The following ATP8A1 variants were observed in gnomAD, a reference collection of about 807,000 sequenced individuals.
ATP8A1 encodes phospholipid-transporting ATPase IA.
A neutral mutation model predicts 177.7 loss-of-function variants in ATP8A1; 90 were observed. The observed-to-expected ratio is 0.51, with a 90% CI of 0.43 to 0.60. The LOEUF (loss-of-function observed/expected upper bound fraction) is 0.60. Among genes scored for constraint, ATP8A1 ranks in the 20% least tolerant of loss-of-function variants. The probability of loss-of-function intolerance (pLI) is 0.00; values close to 1 mark genes in which losing one functional copy is unlikely to be tolerated. For synonymous variants in ATP8A1, 493 were observed against 485.9 expected, an observed-to-expected ratio of 1.01 and a Z score of -0.19; for missense variants, 1,072 against 1,392.8, an observed-to-expected ratio of 0.77 and a Z score of 3.67.
intron 22 of ATP8A1, among the ~76,000 whole-genome samples, chr4:42,509,893 T>C (rs2153195107): frequency 6.6e-6 from 1 of 151,970 alleles, no homozygotes; most frequent in Admixed American, 6.6e-5. Context: ...TCTTTTAAGC[T>C]TTCCTTTATT....
intron 24 of ATP8A1, 64 bp downstream of exon 24, chr4:42,503,386 A>C: frequency 1.1e-6 from 1 of 951,954 alleles, no homozygotes; most frequent in Non-Finnish European, 1.6e-6. Flanking sequence ...AGCTATCTGA[A>C]TATAAAATAC....
At chr4:42,615,520 T>A (rs536970971) in intron 5 of ATP8A1, among the ~76,000 whole-genome samples, 28 of 152,180 alleles carry the variant, frequency 1.8e-4, no homozygotes, top group African/African-American at 5.8e-4. Context: ...TTTGGCTGTA[T>A]CAAAATGAGC....
rs577073122 is a variant in ATP8A1, at chr4:42,576,363, C to T, written c.1129-664G>A. Among the ~76,000 whole-genome samples, 25 of 150,446 alleles carry T rather than the reference C, an allele frequency of 1.7e-4. No individual in the cohort carries two copies. The South Asian group carries it at 5.3e-3, about 32-fold the overall frequency. On this transcript the variant is annotated intron_variant, in intron 12 of 36. Coordinates refer to ENST00000381668, the MANE Select transcript of ATP8A1 (RefSeq NM_006095.2). The stretch of plus-strand genomic sequence containing the variant: ...TGGTGGCAGGCACCTGCAGTCCCAG[C>T]TACGGTGGAGGCTGAGGCAGGAGAA...
chr4:42,517,105 T>G (rs561118300), intron 22 of ATP8A1, among the ~76,000 whole-genome samples: 2 of 148,828 alleles, frequency 1.3e-5, no homozygotes, highest in Admixed American at 1.3e-4. Flanking sequence ...ATCGAGACCA[T>G]CCTGGCCAAC....
At chr4:42,500,365 AAAAAC>A (rs142164207) in intron 24 of ATP8A1, among the ~76,000 whole-genome samples, 46,499 of 149,210 alleles carry the variant, frequency 0.31, 7,620 homozygotes, top group East Asian at 0.58. Context: ...ACTCGGTCTC[AAAAAC>A]AAAACAAAAC....
intron 1 of ATP8A1, among the ~76,000 whole-genome samples, chr4:42,643,266 G>A (rs1740189998): frequency 6.6e-6 from 1 of 152,148 alleles, no homozygotes; most frequent in Admixed American, 6.5e-5. Flanking sequence ...AAGAAGATGA[G>A]GGAAACAGAA....
chr4:42,533,063 G>T (rs998479110), intron 20 of ATP8A1, among the ~76,000 whole-genome samples: 2 of 152,202 alleles, frequency 1.3e-5, no homozygotes, highest in African/African-American at 4.8e-5. Context: ...AGCCTGTTTG[G>T]TGAACTCTCT....
intron 15 of ATP8A1, among the ~76,000 whole-genome samples, chr4:42,563,329 A>T (rs1731033208): frequency 6.6e-6 from 1 of 152,242 alleles, no homozygotes; most frequent in Non-Finnish European, 1.5e-5. Context: ...TGATTAGGGT[A>T]TCTGGCGGAA....
rs1046615477 is a variant in ATP8A1, at chr4:42,574,499, T to G, written c.1295+120A>C. ...TGTCCTAAAATTATAACAGCTGCTT[T>G]TCAGACTAAAAAAAACCAAACAACC... is the stretch of plus-strand genomic sequence containing the variant. On this transcript the variant is annotated intron_variant, in intron 14 of 36. Transcript: ENST00000381668. The G allele has an allele frequency of 6.7e-6, 5 of 744,080 alleles. No individual in the cohort carries two copies. In the African/African-American group the frequency reaches 9.3e-5, roughly 14 times the overall value. 46.1% of individuals were successfully genotyped at this position (744,080 alleles called of 1,614,324 possible). A position where few individuals can be genotyped will look rare whatever the true frequency, so the allele number is the denominator to read the frequency against.
intron 5 of ATP8A1, among the ~76,000 whole-genome samples, chr4:42,608,378 G>T (rs1346156666): frequency 1.8e-4 from 18 of 98,226 alleles, no homozygotes; most frequent in Non-Finnish European, 3.1e-4. Context: ...TTTTTTTTTG[G>T]AGACAGAGTC....
intron 33 of ATP8A1, among the ~76,000 whole-genome samples, chr4:42,425,242 G>A (rs949712175): frequency 2.0e-5 from 3 of 152,114 alleles, no homozygotes; most frequent in Admixed American, 6.5e-5. Context: ...GCAAGAGAAG[G>A]AGGATTTATT....
chr4:42,594,744 A>G (rs1173269296), intron 6 of ATP8A1, among the ~76,000 whole-genome samples: 2 of 152,082 alleles, frequency 1.3e-5, no homozygotes, highest in African/African-American at 4.8e-5. Flanking sequence ...GCTCCTCACA[A>G]TAACGCTTGT....
At chr4:42,531,419 T>A (rs965685262) in intron 20 of ATP8A1, among the ~76,000 whole-genome samples, 1 of 152,200 alleles carries the variant, frequency 6.6e-6, no homozygotes, top group African/African-American at 2.4e-5. Context: ...ACAAAGACTG[T>A]AACTGTCATG....
chr4:42,598,701 A>G (rs1305363330), intron 6 of ATP8A1, among the ~76,000 whole-genome samples: 2 of 152,186 alleles, frequency 1.3e-5, no homozygotes, highest in African/African-American at 2.4e-5. Flanking sequence ...GGTCATACAC[A>G]TACATTAAAT....
chr4:42,442,226 A>C (rs962893903), intron 33 of ATP8A1, among the ~76,000 whole-genome samples: 4 of 152,244 alleles, frequency 2.6e-5, no homozygotes, highest in Non-Finnish European at 5.9e-5. Context: ...AGATAAAGGA[A>C]GGCAAAGACT....
intron 4 of ATP8A1, among the ~76,000 whole-genome samples, chr4:42,618,891 C>A (rs1014985255): frequency 3.9e-5 from 6 of 152,176 alleles, no homozygotes; most frequent in Admixed American, 1.3e-4. Context: ...CTTGTCTGCA[C>A]AAATGCTCTG....
intron 3 of ATP8A1, 74 bp downstream of exon 3, chr4:42,625,540 C>T (rs1422154217): frequency 7.1e-6 from 7 of 989,724 alleles, no homozygotes; most frequent in Non-Finnish European, 1.0e-5. Context: ...TTACATAAAC[C>T]TCAGGGGATT....
chr4:42,473,235 C>A (rs1488061961), intron 25 of ATP8A1, among the ~76,000 whole-genome samples: 2 of 152,180 alleles, frequency 1.3e-5, no homozygotes, highest in Non-Finnish European at 1.5e-5. Flanking sequence ...GAGAATAAAG[C>A]AGATCTCAGG....
chr4:42,637,054 T>C, intron 1 of ATP8A1: 1 of 500,166 alleles, frequency 2.0e-6, no homozygotes, highest in Non-Finnish European at 4.0e-6. Flanking sequence ...CCAAGTCCTG[T>C]CCCAACACCC....
Sources: gnomAD v4.1 joint callset for allele counts (sites outside exome capture counted in the v4.1 genomes callset) on GRCh38, gnomAD v4.1.1 for gene constraint, MANE v1.5 for transcripts, NCBI Gene and HGNC (gene_info 2026-07-23, HGNC 2026-07-21) for gene names.